The following CTNNA3 variants were observed in gnomAD, a reference collection of about 807,000 sequenced individuals.
The protein encoded by CTNNA3 is catenin alpha 3.
CTNNA3 carries 76 observed loss-of-function variants against 95.7 expected under a neutral mutation model. That is an observed-to-expected ratio of 0.79 (90% CI 0.66 to 0.96). The LOEUF is 0.96. CTNNA3 is among the 40% of genes least tolerant of loss of function. The pLI, the probability that CTNNA3 is intolerant of heterozygous loss-of-function variation, is 0.00. For missense variants in CTNNA3, 1,191 were observed against 1,089.8 expected (o/e 1.09, Z -1.31); for synonymous variants, 431 against 374.4 (o/e 1.15, Z -1.74).
intron 7 of CTNNA3, among the ~76,000 whole-genome samples, chr10:66,812,670 A>AATATTAAGT: frequency 6.6e-6 from 1 of 152,066 alleles, no homozygotes; most frequent in East Asian, 1.9e-4. Context: ...GAACAGTAAA[A>AATATTAAGT]ATATTAAGTA....
chr10:66,364,944 G>A lies in CTNNA3; in HGVS notation c.1732+14208C>T, dbSNP rs541788500. Among the ~76,000 whole-genome samples, 41 of 152,174 alleles carry A rather than the reference G, an allele frequency of 2.7e-4. No homozygotes were observed. In the South Asian group the frequency reaches 3.9e-3, roughly 15 times the overall value. On this transcript the variant is annotated intron_variant, in intron 12 of 17. Transcript: ENST00000433211. Reference sequence around the variant, plus strand: ...AGGATTTCCTCTTCCACAGTATTCCGTACTATCAATAATCAACTCTATTAA... The same window carrying A: ...AGGATTTCCTCTTCCACAGTATTCCATACTATCAATAATCAACTCTATTAA...
At chr10:67,264,028 AG>A (rs1866721215) in intron 5 of CTNNA3, among the ~76,000 whole-genome samples, 1 of 152,082 alleles carries the variant, frequency 6.6e-6, no homozygotes, top group African/African-American at 2.4e-5. Context: ...TAAAAAAAAA[AG>A]GGTAACATTT....
rs553891572 is a variant in CTNNA3, at chr10:66,235,254, A to T, written c.1884+45216T>A. Among the ~76,000 whole-genome samples the T allele has an allele frequency of 4.6e-5, 7 of 152,274 alleles. No homozygotes were observed. In the East Asian group the frequency reaches 9.7e-4, roughly 21 times the overall value. On this transcript the variant is annotated intron_variant, in intron 13 of 17. Coordinates refer to ENST00000433211, the MANE Select transcript of CTNNA3 (RefSeq NM_013266.4). ...CATAGTAAAAAATAAGAAGTATACA[A>T]TATATCAAATTGTGCTGCTTCTTTA...
chr10:66,823,179 C>T lies in CTNNA3; in HGVS notation c.1048-47655G>A, dbSNP rs74550802. ...ATATATTAACAGCTTGTCCACATTC[C>T]TAGCTGGTGGTGAGAACTGAGCAGT... On this transcript the variant is annotated intron_variant, in intron 7 of 17. Coordinates refer to ENST00000433211, the MANE Select transcript of CTNNA3 (RefSeq NM_013266.4). 3.4e-3 allele frequency among the ~76,000 whole-genome samples: 516 copies of T among 152,272 alleles called. 2 individuals carry two copies. The highest frequency in any genetic ancestry group is 0.012 in the African/African-American group (480 of 41,566).
intron 5 of CTNNA3, among the ~76,000 whole-genome samples, chr10:67,373,939 G>A (rs1843589695): frequency 6.6e-6 from 1 of 152,038 alleles, no homozygotes; most frequent in African/African-American, 2.4e-5. Flanking sequence ...TGCCCCATGG[G>A]GTCAGGCACT....
chr10:67,484,628 A>C (rs1350391604), intron 5 of CTNNA3, among the ~76,000 whole-genome samples: 4 of 152,178 alleles, frequency 2.6e-5, no homozygotes, highest in Non-Finnish European at 5.9e-5. Flanking sequence ...TAACCCCATT[A>C]AAAAGTGAGC....
rs748258676 is a variant in CTNNA3 at position 66,928,491 on chromosome 10, G to A, written c.1048-152967C>T. On this transcript the variant is annotated intron_variant, in intron 7 of 17. Coordinates refer to ENST00000433211, the MANE Select transcript of CTNNA3 (RefSeq NM_013266.4). ...TGATAAAAAGAGCTCTTAAAAGCTG[G>A]GAAATAAGTGGTGCTTTATTGAACT... 9 of 1,529,546 alleles carry A rather than the reference G, an allele frequency of 5.9e-6. No homozygotes were observed. The African/African-American group carries it at 1.1e-4, about 19-fold the overall frequency. 94.7% of individuals were successfully genotyped at this position (1,529,546 alleles called of 1,614,324 possible).
chr10:66,761,549 T>C (rs908549969), intron 9 of CTNNA3, among the ~76,000 whole-genome samples: 1 of 152,122 alleles, frequency 6.6e-6, no homozygotes, highest in Non-Finnish European at 1.5e-5. Context: ...TCAGCATGAA[T>C]TGACTTGCAG....
intron 5 of CTNNA3, among the ~76,000 whole-genome samples, chr10:67,463,054 C>G (rs1847445655): frequency 1.3e-5 from 2 of 151,720 alleles, no homozygotes; most frequent in African/African-American, 4.8e-5. Flanking sequence ...CAGGTGTGTA[C>G]CACCACACCC....
At chr10:66,157,128 T>G (rs1313001182) in intron 13 of CTNNA3, among the ~76,000 whole-genome samples, 1 of 151,940 alleles carries the variant, frequency 6.6e-6, no homozygotes, top group Non-Finnish European at 1.5e-5. Context: ...TGTGAGACTT[T>G]GGTGCACCCA....
intron 13 of CTNNA3, among the ~76,000 whole-genome samples, chr10:66,147,037 G>A (rs2083921037): frequency 6.6e-6 from 1 of 152,086 alleles, no homozygotes; most frequent in South Asian, 2.1e-4. Context: ...GCTCTTGAAG[G>A]TTGAAATTTT....
intron 11 of CTNNA3, among the ~76,000 whole-genome samples, chr10:66,409,004 G>T (rs2093079080): frequency 6.6e-6 from 1 of 152,088 alleles, no homozygotes; most frequent in Non-Finnish European, 1.5e-5. Flanking sequence ...AATAGGTACA[G>T]TATACCAAAA....
chr10:67,107,732 G>C (rs141985488), intron 7 of CTNNA3, among the ~76,000 whole-genome samples: 2,616 of 152,302 alleles, frequency 0.017, 78 homozygotes, highest in East Asian at 0.12. Flanking sequence ...AGGTGATAGT[G>C]AGACAGCCAG....
chr10:66,875,124 T>C (rs563262194), intron 7 of CTNNA3, among the ~76,000 whole-genome samples: 61 of 152,112 alleles, frequency 4.0e-4, no homozygotes, highest in Admixed American at 9.8e-4. Context: ...GTAATAAGGA[T>C]AGGAAAGAAT....
chr10:66,266,191 G>A (rs1032140876), intron 13 of CTNNA3, among the ~76,000 whole-genome samples: 5 of 151,730 alleles, frequency 3.3e-5, no homozygotes, highest in African/African-American at 1.2e-4. Flanking sequence ...CTGAAAACGT[G>A]CCATAAGTAA....
intron 1 of CTNNA3, among the ~76,000 whole-genome samples, chr10:67,682,712 A>C (rs1010672796): frequency 3.9e-5 from 6 of 152,236 alleles, no homozygotes; most frequent in African/African-American, 1.4e-4. Flanking sequence ...TGATACAGCA[A>C]TTCCACTTCC....
chr10:66,135,943 G>A (rs1390987927), intron 13 of CTNNA3, among the ~76,000 whole-genome samples: 3 of 147,750 alleles, frequency 2.0e-5, no homozygotes, highest in Non-Finnish European at 4.4e-5. Context: ...GCTCTGTCGC[G>A]CAGGCTGGAG....
intron 7 of CTNNA3, among the ~76,000 whole-genome samples, chr10:67,122,145 G>A (rs968667746): frequency 2.6e-5 from 4 of 151,916 alleles, no homozygotes; most frequent in African/African-American, 7.3e-5. Flanking sequence ...TATAGATAGC[G>A]TCTTTCCTAA....
intron 7 of CTNNA3, among the ~76,000 whole-genome samples, chr10:67,027,070 GA>G (rs758990688): frequency 3.3e-5 from 5 of 152,158 alleles, no homozygotes; most frequent in Admixed American, 1.3e-4. Flanking sequence ...AACTCTCTGA[GA>G]GCGTAGATTT....
Sources: gnomAD v4.1 joint callset for allele counts (sites outside exome capture counted in the v4.1 genomes callset) on GRCh38, gnomAD v4.1.1 for gene constraint, MANE v1.5 for transcripts, NCBI Gene and HGNC (gene_info 2026-07-23, HGNC 2026-07-21) for gene names.